ATRNL1: variants seen among roughly 807,000 people sequenced by gnomAD.
ATRNL1 encodes attractin like 1, also known as attractin-like protein 1.
ATRNL1 carries 95 observed loss-of-function variants against 182.7 expected under a neutral mutation model. That is an observed-to-expected ratio of 0.52 (90% CI 0.44 to 0.62). The LOEUF is 0.62. ATRNL1 is among the 20% of genes least tolerant of loss of function. The pLI, the probability that ATRNL1 is intolerant of heterozygous loss-of-function variation, is 0.00. For synonymous variants in ATRNL1, 576 were observed against 568.3 expected, an observed-to-expected ratio of 1.01 and a Z score of -0.19; for missense variants, 1,471 against 1,679.5, an observed-to-expected ratio of 0.88 and a Z score of 2.17.
intron 26 of ATRNL1, among the ~76,000 whole-genome samples, chr10:115,624,412 A>C (rs1201546519): frequency 6.6e-6 from 1 of 152,200 alleles, no homozygotes; most frequent in African/African-American, 2.4e-5. Context: ...CATATATGTT[A>C]TATAGTTGTA....
At chr10:115,188,054 A>T (rs1196219169) in intron 8 of ATRNL1, among the ~76,000 whole-genome samples, 2 of 13,500 alleles carry the variant, frequency 1.5e-4, no homozygotes, top group Non-Finnish European at 2.9e-4. Flanking sequence ...AGGGAGGGGG[A>T]GGGGGAGGGG....
intron 25 of ATRNL1, among the ~76,000 whole-genome samples, chr10:115,544,836 C>T (rs1852554714): frequency 6.6e-6 from 1 of 152,168 alleles, no homozygotes; most frequent in Non-Finnish European, 1.5e-5. Context: ...AAGACGGAGA[C>T]TCTCTAGTAG....
chr10:115,549,415 C>T lies in ATRNL1; in HGVS notation c.3717-43C>T. On this transcript the variant is annotated intron_variant, in intron 25 of 28. Coordinates refer to ENST00000355044, the MANE Select transcript of ATRNL1 (RefSeq NM_207303.4). ...TGTACTGTTTTTTCATTACATAGTT[C>T]AAATAAGTTTTGAGCAAAAATTATT... is the stretch of plus-strand genomic sequence containing the variant. The T allele has an allele frequency of 2.0e-6, 3 of 1,475,190 alleles. No homozygotes were observed. In the South Asian group the frequency reaches 3.8e-5, roughly 19 times the overall value. 91.4% of individuals were successfully genotyped at this position (1,475,190 alleles called of 1,614,324 possible).
chr10:115,258,582 TTTG>T (rs1554907732), intron 10 of ATRNL1, among the ~76,000 whole-genome samples: 1 of 152,136 alleles, frequency 6.6e-6, no homozygotes, highest in African/African-American at 2.4e-5. Context: ...CTCAGAGAAT[TTTG>T]TTATTACCTA....
In ATRNL1 at chr10:115,927,506, T is replaced by C. The variant is rs535435071; in HGVS notation, c.4019-17152T>C. On this transcript the variant is annotated intron_variant, in intron 28 of 28. Coordinates refer to ENST00000355044, the MANE Select transcript of ATRNL1 (RefSeq NM_207303.4). Reference sequence around the variant, plus strand: ...AAGAGAACATGGGAGAATCTTGCTATGATCTAAGAGTAGGGAAGTCCTTTC... The same window carrying C: ...AAGAGAACATGGGAGAATCTTGCTACGATCTAAGAGTAGGGAAGTCCTTTC... Among the ~76,000 whole-genome samples, 77 of 152,258 alleles carry C rather than the reference T, an allele frequency of 5.1e-4. 1 individual carries two copies. In the Middle Eastern group the frequency reaches 0.017, roughly 34 times the overall value.
chr10:115,201,910 G>A (rs1406082320), intron 8 of ATRNL1, among the ~76,000 whole-genome samples: 4 of 152,078 alleles, frequency 2.6e-5, no homozygotes, highest in Non-Finnish European at 5.9e-5. Context: ...ATTTCATTGA[G>A]CAGTGGTTTG....
chr10:115,275,683 A>T (rs925954381), intron 13 of ATRNL1, among the ~76,000 whole-genome samples: 1 of 152,168 alleles, frequency 6.6e-6, no homozygotes, highest in Non-Finnish European at 1.5e-5. Flanking sequence ...GAAAACAGCA[A>T]TCATGGAGCT....
intron 8 of ATRNL1, among the ~76,000 whole-genome samples, chr10:115,195,911 G>T (rs1489000555): frequency 2.0e-4 from 31 of 152,062 alleles, no homozygotes; most frequent in Non-Finnish European, 4.1e-4. Context: ...CGTTTTCTAG[G>T]AGATGTTTTA....
intron 26 of ATRNL1, among the ~76,000 whole-genome samples, chr10:115,653,453 T>C (rs1176678662): frequency 6.6e-6 from 1 of 152,212 alleles, no homozygotes; most frequent in Non-Finnish European, 1.5e-5. Flanking sequence ...GAACCCACCA[T>C]GGTTTTTGTT....
intron 26 of ATRNL1, among the ~76,000 whole-genome samples, chr10:115,726,377 C>A (rs1461842992): frequency 1.4e-5 from 2 of 145,466 alleles, no homozygotes; most frequent in Non-Finnish European, 3.0e-5. Context: ...TTGCATCACA[C>A]GTCCTATTTT....
At chr10:115,167,549 A>G (rs1393356471) in intron 7 of ATRNL1, among the ~76,000 whole-genome samples, 1 of 152,054 alleles carries the variant, frequency 6.6e-6, no homozygotes, top group African/African-American at 2.4e-5. Context: ...TTTCATTTTG[A>G]ATCAACAAAA....
At chr10:115,663,250 G>A (rs1288648724) in intron 26 of ATRNL1, among the ~76,000 whole-genome samples, 1 of 152,044 alleles carries the variant, frequency 6.6e-6, no homozygotes, top group African/African-American at 2.4e-5. Context: ...TCACAGGCTA[G>A]TAACTAGGCA....
chr10:115,778,872 A>G (rs1555078582), intron 27 of ATRNL1, among the ~76,000 whole-genome samples: 5 of 152,202 alleles, frequency 3.3e-5, no homozygotes. Flanking sequence ...ACACTGAAGG[A>G]GCTATTTCAG....
At chr10:115,493,107 T>C (rs781817988) in intron 24 of ATRNL1, among the ~76,000 whole-genome samples, 3 of 152,102 alleles carry the variant, frequency 2.0e-5, no homozygotes, top group Non-Finnish European at 4.4e-5. Context: ...GAAATTGTTA[T>C]TTATTTCTTA....
chr10:115,690,178 A>G (rs1946345539), intron 26 of ATRNL1, among the ~76,000 whole-genome samples: 1 of 151,932 alleles, frequency 6.6e-6, no homozygotes, highest in South Asian at 2.1e-4. Context: ...GCGCTGTACC[A>G]TCCTTTCCCC....
chr10:115,693,761 A>T (rs994314711), intron 26 of ATRNL1, among the ~76,000 whole-genome samples: 2 of 152,134 alleles, frequency 1.3e-5, no homozygotes, highest in South Asian at 4.1e-4. Flanking sequence ...AAATATAAAA[A>T]TTAAGTAGAG....
Position 115,160,448 on chromosome 10 carries a change from T to A in ATRNL1, c.1004+234T>A, listed in dbSNP as rs535100289. Among the ~76,000 whole-genome samples, 10 of 151,974 alleles carry A rather than the reference T, an allele frequency of 6.6e-5. No individual in the cohort carries two copies. The South Asian group carries it at 1.9e-3, about 28-fold the overall frequency. ...CTTCTCTAGAGTACTTTTAATAAAT[T>A]CTGAGTAAGAAAATATTAACTTCAA... On this transcript the variant is annotated intron_variant, in intron 6 of 28. Coordinates refer to ENST00000355044, the MANE Select transcript of ATRNL1 (RefSeq NM_207303.4).
intron 27 of ATRNL1, among the ~76,000 whole-genome samples, chr10:115,758,367 T>G (rs1555072644): frequency 6.6e-6 from 1 of 152,092 alleles, no homozygotes; most frequent in South Asian, 2.1e-4. Context: ...GTTTTTTCCT[T>G]CTAACAGTCA....
intron 19 of ATRNL1, among the ~76,000 whole-genome samples, chr10:115,381,445 T>TTTTTTTTTTTTTTTTTTG: frequency 7.0e-6 from 1 of 142,008 alleles, no homozygotes; most frequent in Non-Finnish European, 1.5e-5. Context: ...TTTTTTTTTT[T>TTTTTTTTTTTTTTTTTTG]TTTTAGTAGA....
Sources: allele counts gnomAD v4.1 joint callset (sites outside exome capture counted in the v4.1 genomes callset), GRCh38; gene constraint gnomAD v4.1.1; transcripts MANE v1.5; gene names NCBI Gene and HGNC (gene_info 2026-07-23, HGNC 2026-07-21).